CDH12: variants seen among roughly 807,000 people sequenced by gnomAD.
CDH12 encodes the protein cadherin-12.
A neutral mutation model predicts 74.1 loss-of-function variants in CDH12; 41 were observed. That is an observed-to-expected ratio of 0.55 (90% CI 0.43 to 0.72). CDH12 has a LOEUF of 0.72. Ranked by LOEUF, CDH12 falls within the 30% of genes least tolerant of loss-of-function variation. The pLI is 0.00. For synonymous variants in CDH12, 399 were observed against 355.0 expected, an observed-to-expected ratio of 1.12 and a Z score of -1.39; for missense variants, 945 against 977.2, an observed-to-expected ratio of 0.97 and a Z score of 0.44.
intron 11 of CDH12, among the ~76,000 whole-genome samples, chr5:21,777,385 A>G (rs1745651775): frequency 6.6e-6 from 1 of 152,178 alleles, no homozygotes; most frequent in Non-Finnish European, 1.5e-5. Context: ...AAGCCCTCTA[A>G]TAAGCTTAAA....
chr5:22,711,492 T>C (rs1406975528), intron 1 of CDH12, among the ~76,000 whole-genome samples: 1 of 152,070 alleles, frequency 6.6e-6, no homozygotes, highest in Non-Finnish European at 1.5e-5. Context: ...AAGGTCATCA[T>C]TGGAAAACAA....
At chr5:21,759,245 A>G (rs1744576231) in intron 13 of CDH12, among the ~76,000 whole-genome samples, 1 of 151,108 alleles carries the variant, frequency 6.6e-6, no homozygotes, top group Admixed American at 6.6e-5. Context: ...TTTATCTGTA[A>G]TTGTTAAGTG....
rs1554062056 is a variant in CDH12, at chr5:22,725,601, T to TA, written c.-523+127456_-523+127457insT. Among the ~76,000 whole-genome samples the TA allele has an allele frequency of 7.3e-5, 11 of 151,372 alleles. No individual in the cohort carries two copies. The East Asian group carries it at 1.4e-3, about 19-fold the overall frequency. On this transcript the variant is annotated intron_variant, in intron 1 of 14. Coordinates refer to ENST00000382254, the MANE Select transcript of CDH12 (RefSeq NM_004061.5). Reference sequence around the variant, plus strand: ...GGCAGGTCCTTCAAGCCATTTTTTTTTATATATATAAGGACACTAATCTCA... The same window carrying TA: ...GGCAGGTCCTTCAAGCCATTTTTTTTATATATATATAAGGACACTAATCTCA...
At chr5:22,634,654 T>C (rs1469823578) in intron 1 of CDH12, among the ~76,000 whole-genome samples, 3 of 152,134 alleles carry the variant, frequency 2.0e-5, no homozygotes, top group Non-Finnish European at 2.9e-5. Flanking sequence ...AATACTTTCA[T>C]ATCCCACTTT....
At chr5:22,207,737 A>AAAAT (rs1402555079) in intron 4 of CDH12, among the ~76,000 whole-genome samples, 9 of 152,114 alleles carry the variant, frequency 5.9e-5, no homozygotes, top group African/African-American at 2.4e-5. Flanking sequence ...ATCCAACAGG[A>AAAAT]CCCCCAAAAA....
chr5:22,541,666 C>A (rs549317943), intron 1 of CDH12, among the ~76,000 whole-genome samples: 62 of 152,214 alleles, frequency 4.1e-4, no homozygotes, highest in African/African-American at 1.5e-3. Flanking sequence ...GTGTTTGTGC[C>A]CTATAATCAT....
At chr5:22,024,187 T>C (rs914506974) in intron 5 of CDH12, among the ~76,000 whole-genome samples, 2 of 152,210 alleles carry the variant, frequency 1.3e-5, no homozygotes, top group African/African-American at 4.8e-5. Flanking sequence ...AGTGACTACA[T>C]ATACGGAAGA....
chr5:22,050,812 G>A (rs1215519616), intron 5 of CDH12, among the ~76,000 whole-genome samples: 2 of 152,122 alleles, frequency 1.3e-5, no homozygotes, highest in African/African-American at 4.8e-5. Context: ...TCCCTGGTGA[G>A]AGTTCAACCA....
rs530970859 is a variant in CDH12, at chr5:22,096,952, T to C, written c.-186-18090A>G. Among the ~76,000 whole-genome samples, 14 of 152,280 alleles carry C rather than the reference T, an allele frequency of 9.2e-5. No individual in the cohort carries two copies. In the East Asian group the frequency reaches 2.7e-3, roughly 29 times the overall value. On this transcript the variant is annotated intron_variant, in intron 4 of 14. Transcript: ENST00000382254. ...TTAACCTCACCTTCAAGGTATGCAA[T>C]AATAGAGTAGAGGCAGCCAAGTAGC...
chr5:22,393,589 T>G (rs1054931606), intron 3 of CDH12, among the ~76,000 whole-genome samples: 12 of 151,686 alleles, frequency 7.9e-5, no homozygotes, highest in African/African-American at 2.7e-4. Flanking sequence ...TTGGTAACGG[T>G]TAAAGACTGG....
chr5:22,487,655 C>A (rs534924904), intron 2 of CDH12, among the ~76,000 whole-genome samples: 9 of 152,212 alleles, frequency 5.9e-5, no homozygotes, highest in Admixed American at 5.2e-4. Context: ...ATTAGAGATG[C>A]AATATCAAAA....
At chr5:22,523,307 C>A (rs1392767117) in intron 1 of CDH12, among the ~76,000 whole-genome samples, 1 of 152,026 alleles carries the variant, frequency 6.6e-6, no homozygotes, top group South Asian at 2.1e-4. Flanking sequence ...AATTCTATAT[C>A]TATATATGCA....
At chr5:21,859,905 T>C (rs1270697514) in intron 6 of CDH12, among the ~76,000 whole-genome samples, 1 of 151,896 alleles carries the variant, frequency 6.6e-6, no homozygotes, top group East Asian at 1.9e-4. Context: ...CATCTCTTAG[T>C]ATTACCATGG....
At chr5:22,477,746 A>G (rs1233674200) in intron 2 of CDH12, among the ~76,000 whole-genome samples, 1 of 152,196 alleles carries the variant, frequency 6.6e-6, no homozygotes, top group African/African-American at 2.4e-5. Flanking sequence ...ACAACAATGA[A>G]AAGCGGCCAA....
At chr5:21,975,575 C>T (rs1304544581) in intron 5 of CDH12, among the ~76,000 whole-genome samples, 190 bp from the exon 6 acceptor site, 1 of 152,086 alleles carries the variant, frequency 6.6e-6, no homozygotes, top group Non-Finnish European at 1.5e-5. Flanking sequence ...ATAAAAATTT[C>T]AACACAAAAA....
chr5:21,774,142 T>A (rs1745467373), intron 11 of CDH12, among the ~76,000 whole-genome samples: 1 of 152,094 alleles, frequency 6.6e-6, no homozygotes, highest in South Asian at 2.1e-4. Context: ...GATTAACATT[T>A]GAGTCAGTAG....
At chr5:22,532,350 G>GATATATATACATATATATATATATATAT (rs1737622020) in intron 1 of CDH12, among the ~76,000 whole-genome samples, 1 of 27,576 alleles carries the variant, frequency 3.6e-5, no homozygotes, top group Non-Finnish European at 7.4e-5. Context: ...ATATAAATAG[G>GATATATATACATATATATATATATATAT]ATATATATAT....
chr5:21,916,661 G>GGAGT (rs1754109719), intron 6 of CDH12, among the ~76,000 whole-genome samples: 2 of 152,188 alleles, frequency 1.3e-5, no homozygotes, highest in African/African-American at 4.8e-5. Context: ...CTCCAAACTT[G>GGAGT]GGCCTGGAGT....
At chr5:22,299,559 C>G (rs1737777175) in intron 3 of CDH12, among the ~76,000 whole-genome samples, 1 of 152,070 alleles carries the variant, frequency 6.6e-6, no homozygotes, top group African/African-American at 2.4e-5. Context: ...GGAATTTTTG[C>G]CATGTCTGAT....
Sources: allele counts gnomAD v4.1 joint callset (sites outside exome capture counted in the v4.1 genomes callset), GRCh38; gene constraint gnomAD v4.1.1; transcripts MANE v1.5; gene names NCBI Gene and HGNC (gene_info 2026-07-23, HGNC 2026-07-21).